CHST9: variants seen among roughly 807,000 people sequenced by gnomAD.
CHST9 encodes carbohydrate sulfotransferase 9.
CHST9 carries 41 observed loss-of-function variants against 44.4 expected under a neutral mutation model. The observed-to-expected ratio is 0.92, with a 90% CI of 0.72 to 1.20. The LOEUF is 1.20. CHST9 is among the 50% of genes most tolerant of loss of function. The pLI, the probability that CHST9 is intolerant of heterozygous loss-of-function variation, is 0.00. For missense variants in CHST9, 504 were observed against 516.5 expected, an observed-to-expected ratio of 0.98 and a Z score of 0.23; for synonymous variants, 171 against 178.4, an observed-to-expected ratio of 0.96 and a Z score of 0.33.
At chr18:27,153,639 G>C (rs1662921176) in intron 1 of CHST9, among the ~76,000 whole-genome samples, 1 of 151,152 alleles carries the variant, frequency 6.6e-6, no homozygotes, top group Non-Finnish European at 1.5e-5. Context: ...CTTAGATTTA[G>C]GGCCCATCCA....
chr18:26,970,148 T>C (rs773998787), intron 4 of CHST9, among the ~76,000 whole-genome samples: 1 of 152,238 alleles, frequency 6.6e-6, no homozygotes, highest in Non-Finnish European at 1.5e-5. Flanking sequence ...CTGCCTCCAG[T>C]GTCTCCCACT....
At chr18:26,966,064 A>AT (rs1374463865) in intron 4 of CHST9, among the ~76,000 whole-genome samples, 2 of 152,342 alleles carry the variant, frequency 1.3e-5, no homozygotes, top group East Asian at 3.9e-4. Context: ...GCTGCTTTTA[A>AT]TTTTCCCAAC....
In CHST9 at chr18:26,916,802, T is replaced by G. The variant is rs763874707; in HGVS notation, c.789A>C (p.Leu263=). Residue 263 remains leucine, a synonymous_variant, in exon 6 of 6, where the codon CTA becomes CTC. Transcript: ENST00000618847. ...TATTTAAGCGGGTATATATCCCTTT[T>G]AGGTCAAAGCTATCTAGCTTCTTCA... is the stretch of plus-strand genomic sequence containing the variant. ...KHLKKLDSFD[L]KGIYTRLNTY... The G allele has an allele frequency of 1.2e-6, 2 of 1,613,792 alleles. No individual in the cohort carries two copies. The highest frequency in any genetic ancestry group is 2.7e-5 in the African/African-American group (2 of 74,908).
intron 3 of CHST9, among the ~76,000 whole-genome samples, chr18:27,034,081 A>G (rs2057367317): frequency 1.3e-5 from 2 of 152,238 alleles, no homozygotes; most frequent in South Asian, 2.1e-4. Flanking sequence ...TCCAAGAAGC[A>G]TCATTGCTTT....
intron 1 of CHST9, among the ~76,000 whole-genome samples, chr18:27,173,338 G>A (rs1391974799): frequency 1.3e-5 from 2 of 151,946 alleles, no homozygotes; most frequent in African/African-American, 4.8e-5. Flanking sequence ...TGTAGCCCTG[G>A]CCAGATCTAT....
chr18:27,143,617 C>T (rs2058587048), intron 1 of CHST9, among the ~76,000 whole-genome samples: 1 of 151,772 alleles, frequency 6.6e-6, no homozygotes, highest in Non-Finnish European at 1.5e-5. Flanking sequence ...AAATTGCATC[C>T]TTTTTTGAGA....
chr18:27,184,504 C>G (rs2058939581), intron 1 of CHST9, among the ~76,000 whole-genome samples: 1 of 152,136 alleles, frequency 6.6e-6, no homozygotes, highest in Non-Finnish European at 1.5e-5. Flanking sequence ...GGAGCCCCTC[C>G]TCAGATCGCC....
chr18:27,137,077 A>G (rs1301388128), intron 2 of CHST9, among the ~76,000 whole-genome samples: 9 of 152,172 alleles, frequency 5.9e-5, no homozygotes, highest in Middle Eastern at 3.2e-3. Context: ...GTCCATACAG[A>G]GTTCATAAAA....
intron 4 of CHST9, among the ~76,000 whole-genome samples, chr18:26,959,076 T>A (rs1406563992): frequency 2.6e-5 from 4 of 152,144 alleles, no homozygotes; most frequent in African/African-American, 9.7e-5. Flanking sequence ...TAGGTGCCCA[T>A]CAATAGTGGA....
intron 2 of CHST9, among the ~76,000 whole-genome samples, chr18:27,135,660 G>A (rs150215323): frequency 1.1e-3 from 160 of 152,200 alleles, no homozygotes; most frequent in African/African-American, 3.8e-3. Context: ...TATCGGGGCC[G>A]CACTCCCAGC....
intron 1 of CHST9, among the ~76,000 whole-genome samples, chr18:27,182,820 A>G (rs189305495): frequency 2.6e-5 from 4 of 152,352 alleles, no homozygotes; most frequent in Non-Finnish European, 4.4e-5. Flanking sequence ...TTCATATCCT[A>G]TCTCACATCC....
chr18:26,911,903 C>T lies in CHST9; in HGVS notation c.*4356G>A, dbSNP rs2055445207. On this transcript the variant is annotated 3_prime_UTR_variant, in exon 6 of 6. Transcript: ENST00000618847. ...GTTTAAGTCAGCTTGCTCCTCTATT[C>T]TTTTCTGCAGTCTTCCCGTGTAGGC... 6.6e-6 allele frequency: 1 copy of T among 152,128 alleles called. No individual in the cohort carries two copies. Among genetic ancestry groups the T allele is most frequent in the Admixed American group, 6.5e-5 (1 of 15,280 alleles). 9.4% of individuals were successfully genotyped at this position (152,128 alleles called of 1,614,324 possible).
chr18:27,067,186 G>A (rs1377465588), intron 2 of CHST9, among the ~76,000 whole-genome samples: 1 of 151,786 alleles, frequency 6.6e-6, no homozygotes, highest in Non-Finnish European at 1.5e-5. Context: ...GTCACTAGTG[G>A]ATAACTTGGC....
intron 3 of CHST9, among the ~76,000 whole-genome samples, chr18:27,036,681 C>A (rs1483701163): frequency 6.6e-6 from 1 of 152,112 alleles, no homozygotes; most frequent in African/African-American, 2.4e-5. Flanking sequence ...GACTGGGCCA[C>A]GACATGATTT....
chr18:27,005,278 T>C, intron 4 of CHST9, among the ~76,000 whole-genome samples: 1 of 152,222 alleles, frequency 6.6e-6, no homozygotes, highest in Middle Eastern at 3.2e-3. Flanking sequence ...TGTCAAGCTT[T>C]TAGCAGCATC....
intron 3 of CHST9, among the ~76,000 whole-genome samples, chr18:27,038,696 G>A (rs2057414741): frequency 6.6e-6 from 1 of 152,108 alleles, no homozygotes; most frequent in Non-Finnish European, 1.5e-5. Flanking sequence ...AAAATCTGAA[G>A]TAGTGTAAAG....
chr18:27,091,679 C>T (rs1489867315), intron 2 of CHST9, among the ~76,000 whole-genome samples: 4 of 152,078 alleles, frequency 2.6e-5, no homozygotes. Context: ...TTGTCAAAGG[C>T]CTTTTCTGCA....
intron 4 of CHST9, among the ~76,000 whole-genome samples, chr18:27,015,512 G>C (rs1424276740): frequency 6.6e-6 from 1 of 152,112 alleles, no homozygotes; most frequent in African/African-American, 2.4e-5. Flanking sequence ...CCCCAGTCTT[G>C]TTGGGAGCAT....
intron 2 of CHST9, among the ~76,000 whole-genome samples, chr18:27,058,759 C>G (rs1476165997): frequency 6.6e-6 from 1 of 152,164 alleles, no homozygotes; most frequent in East Asian, 1.9e-4. Context: ...CTAGTCACCT[C>G]AGCAAACGCC....
Sources: allele counts gnomAD v4.1 joint callset (sites outside exome capture counted in the v4.1 genomes callset), GRCh38; gene constraint gnomAD v4.1.1; transcripts MANE v1.5; gene names NCBI Gene and HGNC (gene_info 2026-07-23, HGNC 2026-07-21).